OSMR: variants seen among roughly 807,000 people sequenced by gnomAD.
OSMR encodes oncostatin-M-specific receptor subunit beta.
Under a neutral mutation model 99.9 loss-of-function variants are expected in OSMR, and 81 were observed. That is an observed-to-expected ratio of 0.81 (90% confidence interval 0.68 to 0.97). The LOEUF (loss-of-function observed/expected upper bound fraction) is 0.97. Ranked by LOEUF, OSMR falls within the 50% of genes least tolerant of loss-of-function variation. The probability of loss-of-function intolerance (pLI) is 0.00; values close to 1 mark genes in which losing one functional copy is unlikely to be tolerated. For missense variants in OSMR, 1,099 were observed against 1,153.4 expected, an observed-to-expected ratio of 0.95 and a Z score of 0.68; for synonymous variants, 406 against 410.4, an observed-to-expected ratio of 0.99 and a Z score of 0.13.
At chr5:38,870,659 C>T (rs946394245) in intron 2 of OSMR, among the ~76,000 whole-genome samples, 1 of 152,194 alleles carries the variant, frequency 6.6e-6, no homozygotes, top group Non-Finnish European at 1.5e-5. Context: ...GGAATAAGGA[C>T]AAGCTTTCCT....
Position 38,883,838 on chromosome 5 carries a change from A to G in OSMR, c.430A>G (p.Thr144Ala). 1 of 1,612,784 alleles carries G rather than the reference A, an allele frequency of 6.2e-7. No homozygotes were observed. Among genetic ancestry groups the G allele is most frequent in the Non-Finnish European group, 8.5e-7 (1 of 1,179,994 alleles). Residue 144 changes from threonine to alanine, a missense_variant, in exon 5 of 18, where the codon ACT becomes GCT. Physicochemically the swap from Thr to Ala is moderately conservative, Grantham distance 58 (BLOSUM62 0). Transcript: ENST00000274276. ...SWEEVSVQDS[T>A]GQDILFVFPK... ...TTTTTTTCTTGCAGTACAAGATTCT[A>G]CTGGACAGGATATATTGTTCGTTTT...
At chr5:38,938,589 C>G, downstream of OSMR, 2 of 232,678 alleles carry the variant, frequency 8.6e-6, no homozygotes, top group Non-Finnish European at 8.5e-6. Context: ...CAAAAATACT[C>G]CAAACAGGAA....
chr5:38,892,778 A>G lies in OSMR; in HGVS notation c.991+6588A>G, dbSNP rs193011212. On this transcript the variant is annotated intron_variant, in intron 7 of 17. Transcript: ENST00000274276. ...ATAGACTACAAGGTACACCTGAACT[A>G]GGAGTCACAAGTCCTAGAACAGGGG... Among the ~76,000 whole-genome samples, 6 of 152,238 alleles carry G rather than the reference A, an allele frequency of 3.9e-5. No homozygotes were observed. The East Asian group carries it at 1.2e-3, about 29-fold the overall frequency.
chr5:38,872,386 C>G (rs1478479989), intron 2 of OSMR, among the ~76,000 whole-genome samples: 1 of 152,168 alleles, frequency 6.6e-6, no homozygotes, highest in Admixed American at 6.5e-5. Flanking sequence ...AATACCATAA[C>G]TGGTATGTTC....
intron 11 of OSMR, among the ~76,000 whole-genome samples, chr5:38,920,697 C>T (rs1401004726): frequency 1.3e-5 from 2 of 152,150 alleles, no homozygotes; most frequent in Non-Finnish European, 2.9e-5. Context: ...AGGTAAAATA[C>T]AGGATGCCCA....
intron 13 of OSMR, among the ~76,000 whole-genome samples, chr5:38,923,579 G>C (rs1746333442): frequency 6.6e-6 from 1 of 152,048 alleles, no homozygotes; most frequent in African/African-American, 2.4e-5. Flanking sequence ...GAATCAAAGG[G>C]TTTCAGCTTT....
At chr5:38,923,016 T>A in intron 12 of OSMR, 134 bp from the exon 13 acceptor site, 5 of 962,366 alleles carry the variant, frequency 5.2e-6, no homozygotes, top group Non-Finnish European at 7.8e-6. Flanking sequence ...CCTCAAGTGA[T>A]CCGCCTGCCT....
At chr5:38,888,243 C>G (rs548438611) in intron 7 of OSMR, among the ~76,000 whole-genome samples, 6 of 152,130 alleles carry the variant, frequency 3.9e-5, no homozygotes, top group Non-Finnish European at 8.8e-5. Flanking sequence ...CCCGCCCTAG[C>G]CTTTTAATAT....
chr5:38,936,778 C>CTT (rs1747065894), downstream of OSMR, among the ~76,000 whole-genome samples: 1 of 152,170 alleles, frequency 6.6e-6, no homozygotes, highest in Non-Finnish European at 1.5e-5. Context: ...GTTTTCACAA[C>CTT]TTTCAGTTAA....
At chr5:38,919,376 G>C in intron 11 of OSMR, 1 of 1,333,304 alleles carries the variant, frequency 7.5e-7, no homozygotes. Context: ...GAGAGTTGGA[G>C]TTACTATTTA....
In OSMR at chr5:38,903,930, C is replaced by A; in HGVS notation, c.1040C>A (p.Thr347Lys). ...FSVNFENVNA[T>K]NAIMTWKVHS... is the part of the protein sequence containing the mutation. ...GTCAACTTTGAAAATGTAAATGCCA[C>A]AAATGCCATCATGACCTGGAAGGTG... The change falls in exon 8 of 18, where the codon ACA (threonine) becomes AAA (lysine). Residue 347 changes from threonine to lysine, a missense_variant. Coordinates refer to ENST00000274276, the MANE Select transcript of OSMR (RefSeq NM_003999.3). 1 of 1,613,718 alleles carries A rather than the reference C, an allele frequency of 6.2e-7. No individual in the cohort carries two copies. The highest frequency in any genetic ancestry group is 1.6e-4 in the Middle Eastern group (1 of 6,062).
chr5:38,856,226 C>CA (rs1172702668), intron 1 of OSMR, among the ~76,000 whole-genome samples: 5 of 152,228 alleles, frequency 3.3e-5, no homozygotes, highest in Non-Finnish European at 7.3e-5. Context: ...TTTCATACTG[C>CA]ATCAGCCATG....
At chr5:38,855,724 C>T (rs1229190410) in intron 1 of OSMR, among the ~76,000 whole-genome samples, 1 of 151,064 alleles carries the variant, frequency 6.6e-6, no homozygotes, top group Non-Finnish European at 1.5e-5. Flanking sequence ...CACACCCCCC[C>T]ACCTGTTGTC....
intron 4 of OSMR, among the ~76,000 whole-genome samples, chr5:38,882,917 G>A (rs1290871370): frequency 6.6e-6 from 1 of 152,176 alleles, no homozygotes. Flanking sequence ...TGCTGGAGCT[G>A]GAACTCCAAC....
chr5:38,904,189 A>G (rs1745071053), intron 8 of OSMR, 164 bp from the exon 9 acceptor site: 1 of 985,208 alleles, frequency 1.0e-6, no homozygotes, highest in Admixed American at 6.1e-5. Context: ...TTTTATGGTT[A>G]GGAAATGGGC....
In OSMR at chr5:38,886,330, G is replaced by T. The variant is rs114428599; in HGVS notation, c.991+140G>T. The T allele has an allele frequency of 1.9e-5, 29 of 1,509,138 alleles. No individual in the cohort carries two copies. In the East Asian group the frequency reaches 2.1e-4, roughly 11 times the overall value. 93.5% of individuals were successfully genotyped at this position (1,509,138 alleles called of 1,614,324 possible). A position where few individuals can be genotyped will look rare whatever the true frequency, so the allele number is the denominator to read the frequency against. ...GTTAGAATTTATACCTATTGTTCAT[G>T]CCACGTTTCTCCTCATGGATGCACG... On this transcript the variant is annotated intron_variant, in intron 7 of 17. Coordinates refer to ENST00000274276, the MANE Select transcript of OSMR (RefSeq NM_003999.3).
chr5:38,923,228 A>G lies in OSMR; in HGVS notation c.1844A>G (p.Lys615Arg). ...AAAAGGATTGCTTGTTTATTAGAGAAAAAAACAGGATACTCTCAGGAACTT... is the reference window on the plus strand; with the variant it reads ...AAAAGGATTGCTTGTTTATTAGAGAGAAAAACAGGATACTCTCAGGAACTT... ...STKRIACLLE[K>R]KTGYSQELAP... Residue 615 changes from lysine (K) to arginine (R), a missense_variant, in exon 13 of 18, where the codon AAA (lysine) becomes AGA (arginine). Transcript: ENST00000274276. The G allele has an allele frequency of 1.2e-6, 2 of 1,605,958 alleles. No individual in the cohort carries two copies. Among genetic ancestry groups the G allele is most frequent in the Non-Finnish European group, 1.7e-6 (2 of 1,172,660 alleles).
intron 9 of OSMR, among the ~76,000 whole-genome samples, chr5:38,915,744 G>A (rs1745855012): frequency 6.6e-6 from 1 of 152,180 alleles, no homozygotes; most frequent in African/African-American, 2.4e-5. Flanking sequence ...ATTAAAAATA[G>A]AAGTCATATG....
rs1466389685 is a variant in OSMR, at chr5:38,918,908, A to G, written c.1431A>G (p.Lys477=). Reference sequence around the variant, plus strand: ...ATGTAGTTGTAGAAAACCTAGACAAACCATCCAGTTCAGAGCTCCATTCCA... The same window carrying G: ...ATGTAGTTGTAGAAAACCTAGACAAGCCATCCAGTTCAGAGCTCCATTCCA... ...FYNVVVENLD[K]PSSSELHSIP... The change falls in exon 11 of 18, where the codon AAA becomes AAG. Residue 477 remains lysine, a synonymous_variant. Transcript: ENST00000274276. The G allele has an allele frequency of 6.2e-7, 1 of 1,614,076 alleles. No individual in the cohort carries two copies. Among genetic ancestry groups the G allele is most frequent in the Non-Finnish European group, 8.5e-7 (1 of 1,179,944 alleles).
Sources: allele counts gnomAD v4.1 joint callset (sites outside exome capture counted in the v4.1 genomes callset), GRCh38; gene constraint gnomAD v4.1.1; transcripts MANE v1.5; gene names NCBI Gene and HGNC (gene_info 2026-07-23, HGNC 2026-07-21).